Variants in LIN7A observed in about 807,000 individuals in gnomAD.
LIN7A encodes lin-7 cell polarity scaffold A.
LIN7A carries 25 observed loss-of-function variants against 29.8 expected under a neutral mutation model. The ratio of observed to expected loss-of-function variants is 0.84; its 90% CI spans 0.61 to 1.17. The LOEUF (loss-of-function observed/expected upper bound fraction) is 1.17. Among genes scored for constraint, LIN7A ranks in the 50% most tolerant of loss-of-function variants. LIN7A has a pLI of 0.00. For missense variants in LIN7A, 239 were observed against 287.0 expected (o/e 0.83, Z 1.21); for synonymous variants, 118 against 107.5 (o/e 1.10, Z -0.60).
intron 2 of LIN7A, among the ~76,000 whole-genome samples, chr12:80,850,201 T>C (rs1341163807): frequency 6.6e-6 from 1 of 152,148 alleles, no homozygotes; most frequent in East Asian, 1.9e-4. Flanking sequence ...TGAAGATGGC[T>C]TGGAAGCAAA....
chr12:80,904,685 C>T (rs1876384484), intron 1 of LIN7A, among the ~76,000 whole-genome samples: 1 of 152,096 alleles, frequency 6.6e-6, no homozygotes, highest in South Asian at 2.1e-4. Context: ...TTGAATATCC[C>T]TAATCCAAAA....
intron 4 of LIN7A, among the ~76,000 whole-genome samples, chr12:80,836,664 A>G (rs1872600667): frequency 6.6e-6 from 1 of 152,036 alleles, no homozygotes; most frequent in Non-Finnish European, 1.5e-5. Context: ...CAAAAAATAA[A>G]TAAATAAATA....
intron 1 of LIN7A, among the ~76,000 whole-genome samples, chr12:80,918,674 C>T (rs1156453113): frequency 6.6e-6 from 1 of 152,126 alleles, no homozygotes; most frequent in African/African-American, 2.4e-5. Flanking sequence ...TTATCTGGCA[C>T]ATCTTGATAT....
At chr12:80,908,262 C>G (rs766815912) in intron 1 of LIN7A, among the ~76,000 whole-genome samples, 2 of 152,014 alleles carry the variant, frequency 1.3e-5, no homozygotes, top group Non-Finnish European at 2.9e-5. Context: ...GCTATATATA[C>G]AAACGTGTAC....
At chr12:80,895,947 T>C (rs143311396) in intron 1 of LIN7A, among the ~76,000 whole-genome samples, 6 of 152,242 alleles carry the variant, frequency 3.9e-5, no homozygotes, top group South Asian at 2.1e-4. Context: ...TGAGAAAAAA[T>C]ATATGCTTCA....
At chr12:80,813,367 G>A (rs1400671092) in intron 4 of LIN7A, among the ~76,000 whole-genome samples, 1 of 152,122 alleles carries the variant, frequency 6.6e-6, no homozygotes, top group Non-Finnish European at 1.5e-5. Context: ...TTGGTGTACA[G>A]ACAAGGATGT....
At chr12:80,927,355 G>C (rs994440500) in intron 1 of LIN7A, among the ~76,000 whole-genome samples, 2 of 151,840 alleles carry the variant, frequency 1.3e-5, no homozygotes, top group African/African-American at 4.8e-5. Flanking sequence ...CAGAGACGGG[G>C]TTTCACCGTG....
intron 1 of LIN7A, among the ~76,000 whole-genome samples, chr12:80,910,029 A>G (rs1026501690): frequency 5.3e-5 from 8 of 152,122 alleles, no homozygotes; most frequent in Non-Finnish European, 7.4e-5. Flanking sequence ...GAACAATGGT[A>G]TATTATTTCA....
chr12:80,910,770 C>T (rs1251688023), intron 1 of LIN7A, among the ~76,000 whole-genome samples: 1 of 152,116 alleles, frequency 6.6e-6, no homozygotes, highest in Non-Finnish European at 1.5e-5. Context: ...GTATCTTCTG[C>T]TGGATTTGAG....
At chr12:80,807,077 T>TTTTTTTTGTTTGTTTG (rs1565883827) in intron 5 of LIN7A, among the ~76,000 whole-genome samples, 1 of 115,538 alleles carries the variant, frequency 8.7e-6, no homozygotes, top group Non-Finnish European at 1.8e-5. Flanking sequence ...TTTTTTTTTT[T>TTTTTTTTGTTTGTTTG]TTTTTTTTTT....
At chr12:80,853,224 T>C (rs1325330876) in intron 2 of LIN7A, among the ~76,000 whole-genome samples, 1 of 152,192 alleles carries the variant, frequency 6.6e-6, no homozygotes, top group Non-Finnish European at 1.5e-5. Flanking sequence ...TAGGGTCTCT[T>C]TTCTTCTGTT....
chr12:80,866,538 T>C (rs1874144562), intron 2 of LIN7A, among the ~76,000 whole-genome samples: 1 of 152,208 alleles, frequency 6.6e-6, no homozygotes, highest in Non-Finnish European at 1.5e-5. Context: ...TCAAACCATA[T>C]GGTTTCCAAA....
chr12:80,914,613 A>G (rs1485917238), intron 1 of LIN7A, among the ~76,000 whole-genome samples: 1 of 152,192 alleles, frequency 6.6e-6, no homozygotes, highest in African/African-American at 2.4e-5. Flanking sequence ...CTTCATATTG[A>G]TAGCTGCCCA....
intron 4 of LIN7A, among the ~76,000 whole-genome samples, chr12:80,834,856 C>T (rs553362513): frequency 7.9e-5 from 12 of 152,276 alleles, no homozygotes; most frequent in Admixed American, 2.0e-4. Flanking sequence ...GCTTGCATTT[C>T]ACTAGGTATA....
At chr12:80,841,469 A>G (rs1489240292) in intron 4 of LIN7A, among the ~76,000 whole-genome samples, 1 of 152,066 alleles carries the variant, frequency 6.6e-6, no homozygotes, top group Non-Finnish European at 1.5e-5. Flanking sequence ...TGTGTTCTAT[A>G]CAAGATATTT....
intron 1 of LIN7A, among the ~76,000 whole-genome samples, chr12:80,919,280 G>A (rs907187635): frequency 2.0e-5 from 3 of 152,206 alleles, no homozygotes; most frequent in Non-Finnish European, 4.4e-5. Flanking sequence ...TATTGTATGA[G>A]TTAACGTTGC....
chr12:80,869,289 G>C (rs909836359), intron 2 of LIN7A, among the ~76,000 whole-genome samples: 4 of 152,064 alleles, frequency 2.6e-5, no homozygotes, highest in South Asian at 2.1e-4. Flanking sequence ...AGTTTAAGAT[G>C]CATATGTTTT....
rs142769711 is a variant in LIN7A, at chr12:80,917,723, T to C, written c.82+19918A>G. On this transcript the variant is annotated intron_variant, in intron 1 of 5. Coordinates refer to ENST00000552864, the MANE Select transcript of LIN7A (RefSeq NM_004664.4). Reference sequence around the variant, plus strand: ...ATACTTTTAATAATTATAAATATGCTTATTTTATAGTCTCTGACTTTTGTG... The same window carrying C: ...ATACTTTTAATAATTATAAATATGCCTATTTTATAGTCTCTGACTTTTGTG... Among the ~76,000 whole-genome samples the C allele has an allele frequency of 2.2e-3, 331 of 152,306 alleles. 1 individual carries two copies. Among genetic ancestry groups the C allele is most frequent in the African/African-American group, 7.7e-3 (322 of 41,574 alleles).
chr12:80,816,988 G>A (rs554276544), intron 4 of LIN7A, among the ~76,000 whole-genome samples: 108 of 152,258 alleles, frequency 7.1e-4, no homozygotes, highest in African/African-American at 2.5e-3. Flanking sequence ...GGCTGATCTC[G>A]AACTCCTGGG....
Sources: allele counts gnomAD v4.1 joint callset (sites outside exome capture counted in the v4.1 genomes callset), GRCh38; gene constraint gnomAD v4.1.1; transcripts MANE v1.5; gene names NCBI Gene and HGNC (gene_info 2026-07-23, HGNC 2026-07-21).